Variants in FAM78B observed in about 807,000 individuals in gnomAD.
The protein encoded by FAM78B is protein FAM78B.
In FAM78B, 10 loss-of-function variants were observed where a neutral mutation model predicts 20.0. That is an observed-to-expected ratio of 0.50 (90% confidence interval 0.31 to 0.85). The LOEUF is 0.85. Among genes scored for constraint, FAM78B ranks in the 40% least tolerant of loss-of-function variants. The pLI is 0.05. For missense variants in FAM78B, 283 were observed against 345.0 expected, an observed-to-expected ratio of 0.82 and a Z score of 1.42; for synonymous variants, 135 against 132.8, an observed-to-expected ratio of 1.02 and a Z score of -0.12.
At chr1:166,095,756 T>C (rs1653252123) in intron 1 of FAM78B, among the ~76,000 whole-genome samples, 1 of 152,094 alleles carries the variant, frequency 6.6e-6, no homozygotes, top group African/African-American at 2.4e-5. Context: ...CCAACCCAGG[T>C]AGGTCTCTGG....
chr1:166,105,327 A>C (rs1653725121), intron 1 of FAM78B, among the ~76,000 whole-genome samples: 1 of 152,156 alleles, frequency 6.6e-6, no homozygotes. Flanking sequence ...ACCAAAAGCA[A>C]TGGCAACAAA....
chr1:166,133,669 T>G (rs1421656803), intron 1 of FAM78B, among the ~76,000 whole-genome samples: 1 of 152,248 alleles, frequency 6.6e-6, no homozygotes, highest in East Asian at 1.9e-4. Context: ...TAGAAATGTA[T>G]TCCAGTGCTA....
At chr1:166,161,744 G>A (rs1028356777) in intron 1 of FAM78B, among the ~76,000 whole-genome samples, 1 of 152,210 alleles carries the variant, frequency 6.6e-6, no homozygotes, top group Non-Finnish European at 1.5e-5. Flanking sequence ...TTTCGCTTGA[G>A]CAACTCAAAG....
At chr1:166,133,747 G>A (rs1340669593) in intron 1 of FAM78B, among the ~76,000 whole-genome samples, 1 of 152,158 alleles carries the variant, frequency 6.6e-6, no homozygotes, top group African/African-American at 2.4e-5. Context: ...GCCTTTCTCA[G>A]GCCGTCTGCT....
chr1:166,138,569 C>T (rs758300536), intron 1 of FAM78B, among the ~76,000 whole-genome samples: 6 of 152,140 alleles, frequency 3.9e-5, no homozygotes, highest in Non-Finnish European at 8.8e-5. Context: ...TCTTCGCTAG[C>T]CTTAGATTCA....
chr1:166,144,293 G>A (rs906810618), intron 1 of FAM78B, among the ~76,000 whole-genome samples: 2 of 151,682 alleles, frequency 1.3e-5, no homozygotes, highest in Non-Finnish European at 2.9e-5. Context: ...GAGTGGTGGT[G>A]GGGGGGTGGT....
chr1:166,131,136 T>C (rs1255645788), intron 1 of FAM78B, among the ~76,000 whole-genome samples: 1 of 151,884 alleles, frequency 6.6e-6, no homozygotes, highest in African/African-American at 2.4e-5. Flanking sequence ...GGACTACAGA[T>C]GCGTGCCACC....
At chr1:166,153,476 C>T (rs1211974235) in intron 1 of FAM78B, among the ~76,000 whole-genome samples, 1 of 152,174 alleles carries the variant, frequency 6.6e-6, no homozygotes, top group Admixed American at 6.5e-5. Context: ...GGCAGCAGGG[C>T]CAATCGATCA....
At chr1:166,091,037 G>A (rs555412145) in intron 1 of FAM78B, among the ~76,000 whole-genome samples, 3 of 152,316 alleles carry the variant, frequency 2.0e-5, no homozygotes, top group African/African-American at 7.2e-5. Context: ...GGATTTGAAC[G>A]TAGGCTGACT....
At chr1:166,100,769 G>T (rs957729655) in intron 1 of FAM78B, among the ~76,000 whole-genome samples, 18 of 152,240 alleles carry the variant, frequency 1.2e-4, no homozygotes, top group Non-Finnish European at 1.2e-4. Flanking sequence ...TCTGGGAGCA[G>T]GGCATAGCCA....
chr1:166,147,963 C>A (rs1346270311), intron 1 of FAM78B: 2 of 152,150 alleles, frequency 1.3e-5, no homozygotes, highest in Non-Finnish European at 2.9e-5. Context: ...ATGTTGCCTG[C>A]AATCAAAGAG....
At chr1:166,133,649 T>C (rs1654960786) in intron 1 of FAM78B, among the ~76,000 whole-genome samples, 2 of 152,038 alleles carry the variant, frequency 1.3e-5, no homozygotes, top group Admixed American at 1.3e-4. Flanking sequence ...TGAATCTGAT[T>C]TTTGGTGGTT....
At chr1:166,135,151 C>T (rs1033551242) in intron 1 of FAM78B, among the ~76,000 whole-genome samples, 2 of 152,158 alleles carry the variant, frequency 1.3e-5, no homozygotes, top group Non-Finnish European at 2.9e-5. Flanking sequence ...AGATGACTTC[C>T]AGCTAGAACT....
intron 2 of FAM78B, among the ~76,000 whole-genome samples, chr1:166,062,402 C>T (rs982271821): frequency 6.6e-6 from 1 of 152,216 alleles, no homozygotes; most frequent in Admixed American, 6.5e-5. Flanking sequence ...TGGAATCCAA[C>T]TGAGTTTAAA....
chr1:166,157,598 A>T (rs1319639508), intron 1 of FAM78B, among the ~76,000 whole-genome samples: 1 of 152,122 alleles, frequency 6.6e-6, no homozygotes, highest in Non-Finnish European at 1.5e-5. Context: ...AATTCTTGGG[A>T]GCCAGAGGTA....
At chr1:166,088,325 T>G (rs1205742666) in intron 1 of FAM78B, among the ~76,000 whole-genome samples, 1 of 152,180 alleles carries the variant, frequency 6.6e-6, no homozygotes, top group South Asian at 2.1e-4. Context: ...GGAACACCAG[T>G]GTCATCCCTG....
At chr1:166,146,252 A>G (rs1044106878) in intron 1 of FAM78B, among the ~76,000 whole-genome samples, 3 of 152,148 alleles carry the variant, frequency 2.0e-5, no homozygotes, top group African/African-American at 7.2e-5. Context: ...CCCAATGACC[A>G]ATTTCTATTT....
chr1:166,069,584 C>T lies in FAM78B; in HGVS notation c.*657G>A, dbSNP rs1651933602. On this transcript the variant is annotated 3_prime_UTR_variant, in exon 2 of 2. Coordinates refer to ENST00000354422, the MANE Select transcript of FAM78B (RefSeq NM_001017961.5). The stretch of plus-strand genomic sequence containing the variant: ...GTAGACGGAACTAATGAAGTGTTTC[C>T]GTTAGTTCACATCAGCACCTTGGAC... 1 of 152,156 alleles carries T rather than the reference C, an allele frequency of 6.6e-6. No individual in the cohort carries two copies. Among genetic ancestry groups the T allele is most frequent in the African/African-American group, 2.4e-5 (1 of 41,428 alleles). 9.4% of individuals were successfully genotyped at this position (152,156 alleles called of 1,614,324 possible). A position where few individuals can be genotyped will look rare whatever the true frequency, so the allele number is the denominator to read the frequency against.
intron 1 of FAM78B, among the ~76,000 whole-genome samples, chr1:166,073,044 A>G (rs906096670): frequency 3.9e-5 from 6 of 152,234 alleles, no homozygotes; most frequent in African/African-American, 1.4e-4. Context: ...TTGAAAAACA[A>G]CAACAACAAA....
Sources: gnomAD v4.1 joint callset for allele counts (sites outside exome capture counted in the v4.1 genomes callset) on GRCh38, gnomAD v4.1.1 for gene constraint, MANE v1.5 for transcripts, NCBI Gene and HGNC (gene_info 2026-07-23, HGNC 2026-07-21) for gene names.